The following WWOX variants were observed in gnomAD, a reference collection of about 807,000 sequenced individuals.
WWOX encodes WW domain-containing oxidoreductase.
A neutral mutation model predicts 46.2 loss-of-function variants in WWOX; 69 were observed. That is an observed-to-expected ratio of 1.49 (90% confidence interval 1.23 to 1.82). WWOX has a LOEUF of 1.82. WWOX is among the 40% of genes most tolerant of loss of function. The pLI is 0.00. For missense variants in WWOX, 919 were observed against 542.6 expected (o/e 1.69, Z -6.89); for synonymous variants, 359 against 202.6 (o/e 1.77, Z -6.56).
chr16:78,645,282 C>A (rs567609826), intron 8 of WWOX, among the ~76,000 whole-genome samples: 1 of 152,152 alleles, frequency 6.6e-6, no homozygotes, highest in South Asian at 2.1e-4. Context: ...TCAGAGAGGC[C>A]CATCCTGACC....
At chr16:78,309,036 C>G (rs2080185212) in intron 5 of WWOX, among the ~76,000 whole-genome samples, 1 of 152,156 alleles carries the variant, frequency 6.6e-6, no homozygotes, top group Admixed American at 6.5e-5. Flanking sequence ...TCAGTCCTTT[C>G]TATTGATCTC....
intron 8 of WWOX, among the ~76,000 whole-genome samples, chr16:79,070,093 T>C (rs776198329): frequency 2.0e-5 from 3 of 152,238 alleles, no homozygotes; most frequent in Non-Finnish European, 2.9e-5. Context: ...TCAAGACTTA[T>C]CATTCAAAGA....
At chr16:79,043,860 TGG>T (rs2048017924) in intron 8 of WWOX, among the ~76,000 whole-genome samples, 1 of 152,184 alleles carries the variant, frequency 6.6e-6, no homozygotes, top group Non-Finnish European at 1.5e-5. Flanking sequence ...ACTCTGGAAG[TGG>T]AGTACCTCTG....
At chr16:78,947,403 T>G (rs2045970856) in intron 8 of WWOX, among the ~76,000 whole-genome samples, 1 of 152,214 alleles carries the variant, frequency 6.6e-6, no homozygotes. Context: ...CCTGCATTTA[T>G]TACAGCGCAG....
chr16:78,587,842 A>C (rs962339657), intron 8 of WWOX, among the ~76,000 whole-genome samples: 1 of 152,174 alleles, frequency 6.6e-6, no homozygotes, highest in South Asian at 2.1e-4. Context: ...AGTGAATGCC[A>C]ATTCCTTGCT....
At chr16:78,379,291 G>A (rs1236783457) in intron 5 of WWOX, among the ~76,000 whole-genome samples, 2 of 152,068 alleles carry the variant, frequency 1.3e-5, no homozygotes, top group African/African-American at 2.4e-5. Flanking sequence ...AGCATCAATG[G>A]GTACCTTGAA....
intron 8 of WWOX, among the ~76,000 whole-genome samples, chr16:78,958,312 A>G (rs776516719): frequency 1.3e-5 from 2 of 152,196 alleles, no homozygotes; most frequent in Non-Finnish European, 2.9e-5. Flanking sequence ...CATTTACTCT[A>G]TTACTGAAAA....
At chr16:78,576,129 G>T (rs1313254608) in intron 8 of WWOX, among the ~76,000 whole-genome samples, 7 of 152,058 alleles carry the variant, frequency 4.6e-5, no homozygotes, top group African/African-American at 1.7e-4. Flanking sequence ...TGCATAGAAT[G>T]ACTCTCCTGT....
chr16:78,635,334 G>A (rs2046541915), intron 8 of WWOX, among the ~76,000 whole-genome samples: 1 of 152,146 alleles, frequency 6.6e-6, no homozygotes, highest in Admixed American at 6.5e-5. Flanking sequence ...AGGATGGCAG[G>A]TGGACTTGGA....
At chr16:78,900,847 GAAAA>G (rs71979088) in intron 8 of WWOX, among the ~76,000 whole-genome samples, 1 of 140,596 alleles carries the variant, frequency 7.1e-6, no homozygotes. Flanking sequence ...GCCTTTTTTT[GAAAA>G]AAAAAAAAAA....
intron 8 of WWOX, among the ~76,000 whole-genome samples, chr16:79,136,636 A>G (rs1430016144): frequency 1.3e-5 from 2 of 152,200 alleles, no homozygotes; most frequent in Non-Finnish European, 2.9e-5. Context: ...ACTGGTGGTC[A>G]GTGCATGGAT....
intron 5 of WWOX, among the ~76,000 whole-genome samples, chr16:78,232,242 T>G (rs757249872): frequency 2.0e-5 from 3 of 152,152 alleles, no homozygotes; most frequent in Non-Finnish European, 4.4e-5. Flanking sequence ...AAAAATAGTA[T>G]TAGGGCAATT....
chr16:78,124,261 A>C (rs1266638389), intron 4 of WWOX: 1 of 152,160 alleles, frequency 6.6e-6, no homozygotes. Flanking sequence ...AAGCTATTTC[A>C]CCAGAGTAAA....
intron 8 of WWOX, among the ~76,000 whole-genome samples, chr16:78,785,389 C>G (rs2050430190): frequency 6.6e-6 from 1 of 152,182 alleles, no homozygotes; most frequent in Admixed American, 6.5e-5. Context: ...TTTGAGGACC[C>G]AAGGTGGTCT....
At chr16:78,281,784 A>G (rs1301873512) in intron 5 of WWOX, among the ~76,000 whole-genome samples, 1 of 152,168 alleles carries the variant, frequency 6.6e-6, no homozygotes, top group Non-Finnish European at 1.5e-5. Context: ...CTGTATAAGA[A>G]CACAGCCGTG....
At chr16:78,801,266 T>A (rs79669207) in intron 8 of WWOX, among the ~76,000 whole-genome samples, 2,244 of 152,244 alleles carry the variant, frequency 0.015, 28 homozygotes, top group South Asian at 0.074. Flanking sequence ...TCCCAGCTCT[T>A]TGGGAGGCCA....
At chr16:79,012,628 G>T (rs2047334251) in intron 8 of WWOX, among the ~76,000 whole-genome samples, 1 of 152,214 alleles carries the variant, frequency 6.6e-6, no homozygotes, top group Non-Finnish European at 1.5e-5. Context: ...CTCCAAGGCA[G>T]AGAGATGGCT....
At chr16:78,724,365 A>T (rs189277547) in intron 8 of WWOX, among the ~76,000 whole-genome samples, 26 of 152,046 alleles carry the variant, frequency 1.7e-4, no homozygotes, top group Non-Finnish European at 3.5e-4. Context: ...TTTAGCAACA[A>T]CTCCTAAAAT....
At chr16:78,471,726 C>A (rs1055433083) in intron 8 of WWOX, among the ~76,000 whole-genome samples, 5 of 152,048 alleles carry the variant, frequency 3.3e-5, no homozygotes, top group African/African-American at 9.7e-5. Flanking sequence ...AGCAATAGTC[C>A]CTGAACATCA....
Sources: gnomAD v4.1 joint callset for allele counts (sites outside exome capture counted in the v4.1 genomes callset) on GRCh38, gnomAD v4.1.1 for gene constraint, MANE v1.5 for transcripts, NCBI Gene and HGNC (gene_info 2026-07-23, HGNC 2026-07-21) for gene names.